Variants in MAGI3 observed in about 807,000 individuals in gnomAD.
MAGI3 encodes the protein membrane associated guanylate kinase, WW and PDZ domain containing 3.
In MAGI3, 43 loss-of-function variants were observed where a neutral mutation model predicts 121.8. The observed-to-expected ratio is 0.35, with a 90% CI of 0.28 to 0.46. The LOEUF (loss-of-function observed/expected upper bound fraction) is 0.46. MAGI3 is among the 20% of genes least tolerant of loss of function. The probability of loss-of-function intolerance (pLI) is 1.00; values close to 1 mark genes in which losing one functional copy is unlikely to be tolerated. For synonymous variants in MAGI3, 553 were observed against 639.3 expected (o/e 0.86, Z 2.04); for missense variants, 1,547 against 1,797.3 (o/e 0.86, Z 2.52).
intron 1 of MAGI3, among the ~76,000 whole-genome samples, chr1:113,467,884 A>G (rs6700878): frequency 0.79 from 120,041 of 152,078 alleles, 47,832 homozygotes; most frequent in African/African-American, 0.91. Flanking sequence ...ATCTATTAAT[A>G]TTTGCATATA....
chr1:113,436,835 A>G (rs1304352665), intron 1 of MAGI3, among the ~76,000 whole-genome samples: 2 of 120,904 alleles, frequency 1.7e-5, no homozygotes, highest in Non-Finnish European at 3.3e-5. Context: ...TTTTTTTGAG[A>G]CGGAGTCTCA....
chr1:113,496,642 CTTTTG>C (rs1186376095), intron 1 of MAGI3, among the ~76,000 whole-genome samples: 2 of 151,908 alleles, frequency 1.3e-5, no homozygotes, highest in African/African-American at 2.4e-5. Flanking sequence ...TTATATTGGA[CTTTTG>C]TTTTTTACCT....
intron 2 of MAGI3, among the ~76,000 whole-genome samples, chr1:113,570,518 A>T (rs1033301593): frequency 5.3e-5 from 8 of 152,194 alleles, no homozygotes; most frequent in Non-Finnish European, 1.2e-4. Context: ...ACAGTGTAAA[A>T]ACGTTCCTAT....
intron 2 of MAGI3, among the ~76,000 whole-genome samples, chr1:113,563,437 C>T (rs1008493997): frequency 1.3e-5 from 2 of 152,164 alleles, no homozygotes; most frequent in African/African-American, 4.8e-5. Context: ...GAGTTCTTTT[C>T]CTGGTTCCAG....
In MAGI3 at chr1:113,585,361, T is replaced by G. The variant is rs1003487219; in HGVS notation, c.554-26T>G. 7 of 1,603,250 alleles carry G rather than the reference T, an allele frequency of 4.4e-6. No individual in the cohort carries two copies. In the South Asian group the frequency reaches 6.6e-5, roughly 15 times the overall value. On this transcript the variant is annotated intron_variant, in intron 3 of 20. Coordinates refer to ENST00000307546, the MANE Select transcript of MAGI3 (RefSeq NM_001142782.2). ...TGACTCTCACTGCAACATTAGTAAT[T>G]TCAGCTGCTATTTTATTCACTTCAG...
chr1:113,525,553 T>A (rs893208876), intron 1 of MAGI3, among the ~76,000 whole-genome samples: 1 of 151,934 alleles, frequency 6.6e-6, no homozygotes, highest in African/African-American at 2.4e-5. Flanking sequence ...CTTCATTTAA[T>A]AGTTAAATTA....
chr1:113,428,530 T>A (rs1265033969), intron 1 of MAGI3, among the ~76,000 whole-genome samples: 1 of 152,164 alleles, frequency 6.6e-6, no homozygotes, highest in Admixed American at 6.5e-5. Flanking sequence ...AGAAATATAA[T>A]GCAAGCCGCA....
intron 1 of MAGI3, among the ~76,000 whole-genome samples, chr1:113,463,238 C>G (rs1655117553): frequency 6.6e-6 from 1 of 151,630 alleles, no homozygotes; most frequent in Admixed American, 6.6e-5. Context: ...GAGGTCTAGA[C>G]TAGAGGTTTC....
chr1:113,415,389 A>G (rs1295777689), intron 1 of MAGI3, among the ~76,000 whole-genome samples: 1 of 152,048 alleles, frequency 6.6e-6, no homozygotes, highest in African/African-American at 2.4e-5. Context: ...CTGATAGAAC[A>G]TCTAACACTA....
At position 113,580,540 on chromosome 1, in the gene MAGI3, A is replaced by G; in HGVS notation, c.434-2A>G. ...CCTACTTTTTTTTTTCTTTTTTCTT[A>G]GGCACTACAAGGGCCCCCAGGGATG... is the stretch of plus-strand genomic sequence containing the variant. On this transcript the variant is annotated splice_acceptor_variant, in intron 2 of 20. Transcript: ENST00000307546. LOFTEE classifies it high-confidence loss of function. 1 of 1,583,576 alleles carries G rather than the reference A, an allele frequency of 6.3e-7. No homozygotes were observed. The highest frequency in any genetic ancestry group is 8.5e-7 in the Non-Finnish European group (1 of 1,170,072).
At chr1:113,630,135 A>G (rs1196361016) in intron 9 of MAGI3, among the ~76,000 whole-genome samples, 1 of 152,048 alleles carries the variant, frequency 6.6e-6, no homozygotes, top group Non-Finnish European at 1.5e-5. Context: ...ATTCTATTCT[A>G]TTCTGGCTAA....
At chr1:113,656,760 G>A (rs1261544332) in intron 15 of MAGI3, among the ~76,000 whole-genome samples, 4 of 152,062 alleles carry the variant, frequency 2.6e-5, no homozygotes, top group Non-Finnish European at 2.9e-5. Flanking sequence ...TTCTGATGAC[G>A]TATGTCTCAA....
chr1:113,612,210 G>A (rs1211837260), intron 6 of MAGI3, among the ~76,000 whole-genome samples: 1 of 152,084 alleles, frequency 6.6e-6, no homozygotes, highest in Non-Finnish European at 1.5e-5. Flanking sequence ...CCAAAGTGCT[G>A]GAATTACAGG....
chr1:113,510,224 GTACTGTAAGTGC>G (rs1557794432), intron 1 of MAGI3, among the ~76,000 whole-genome samples: 1 of 151,970 alleles, frequency 6.6e-6, no homozygotes, highest in Admixed American at 6.6e-5. Flanking sequence ...CATATTGTTG[GTACTGTAAGTGC>G]TACTTAGGTA....
intron 16 of MAGI3, among the ~76,000 whole-genome samples, chr1:113,665,578 A>G (rs1654000603): frequency 2.0e-5 from 3 of 152,170 alleles, no homozygotes; most frequent in African/African-American, 7.2e-5. Flanking sequence ...ATACGCGTAT[A>G]TAAATATATA....
intron 9 of MAGI3, among the ~76,000 whole-genome samples, chr1:113,633,575 T>A (rs1300700656): frequency 1.3e-5 from 2 of 152,166 alleles, no homozygotes; most frequent in East Asian, 3.9e-4. Context: ...TCATCATTTT[T>A]TATGGCTGCA....
chr1:113,495,866 G>A (rs1269984412), intron 1 of MAGI3, among the ~76,000 whole-genome samples: 2 of 152,124 alleles, frequency 1.3e-5, no homozygotes, highest in African/African-American at 4.8e-5. Flanking sequence ...AGCTAACTCT[G>A]CCATATTAAA....
chr1:113,680,700 T>A (rs1447996479), intron 19 of MAGI3, among the ~76,000 whole-genome samples: 3 of 152,036 alleles, frequency 2.0e-5, no homozygotes, highest in Non-Finnish European at 4.4e-5. Context: ...GAGCTTGCAG[T>A]GAGCCGAGGT....
intron 1 of MAGI3, among the ~76,000 whole-genome samples, chr1:113,463,616 A>C (rs755303326): frequency 2.0e-5 from 3 of 152,130 alleles, no homozygotes; most frequent in Non-Finnish European, 2.9e-5. Context: ...ATGGATTAAA[A>C]TGAGGAAGTA....
Sources: allele counts gnomAD v4.1 joint callset (sites outside exome capture counted in the v4.1 genomes callset), GRCh38; gene constraint gnomAD v4.1.1; transcripts MANE v1.5; gene names NCBI Gene and HGNC (gene_info 2026-07-23, HGNC 2026-07-21).